Variants in RBM33 observed in about 807,000 individuals in gnomAD.
RBM33 encodes RNA binding motif protein 33, also known as RNA-binding protein 33.
Under a neutral mutation model 132.6 loss-of-function variants are expected in RBM33, and 28 were observed. The ratio of observed to expected loss-of-function variants is 0.21; its 90% CI spans 0.16 to 0.29. The LOEUF (loss-of-function observed/expected upper bound fraction) is 0.29, where lower values mean the gene tolerates loss of function less well. Ranked by LOEUF, RBM33 falls within the 10% of genes least tolerant of loss-of-function variation. The probability of loss-of-function intolerance (pLI) is 1.00; values close to 1 mark genes in which losing one functional copy is unlikely to be tolerated. For synonymous variants in RBM33, 634 were observed against 593.0 expected (o/e 1.07, Z -1.01); for missense variants, 1,291 against 1,518.5 (o/e 0.85, Z 2.49).
rs183461363 is a variant in RBM33, at chr7:155,665,276, C to T, written c.122+23C>T. 3.7e-5 allele frequency: 60 copies of T among 1,603,956 alleles called. No individual in the cohort carries two copies. The East Asian group carries it at 1.3e-3, about 35-fold the overall frequency. On this transcript the variant is annotated intron_variant, in intron 2 of 17. Coordinates refer to ENST00000401878, the MANE Select transcript of RBM33 (RefSeq NM_053043.3). ...CAGGTACGTGCACCCTGTGCTTCACCTAACTGCCTGTGCCGATCTCTCTCA... is the reference window on the plus strand; with the variant it reads ...CAGGTACGTGCACCCTGTGCTTCACTTAACTGCCTGTGCCGATCTCTCTCA...
At chr7:155,754,618 T>C (rs1400860315) in intron 14 of RBM33, among the ~76,000 whole-genome samples, 5 of 152,240 alleles carry the variant, frequency 3.3e-5, no homozygotes. Context: ...CCTCAGAGGC[T>C]CAAGGCTTTG....
chr7:155,667,182 T>C (rs558235040), intron 2 of RBM33, among the ~76,000 whole-genome samples: 1 of 152,354 alleles, frequency 6.6e-6, no homozygotes, highest in African/African-American at 2.4e-5. Flanking sequence ...AAACAGGAAC[T>C]TTCACTTATA....
intron 3 of RBM33, among the ~76,000 whole-genome samples, chr7:155,675,707 C>G (rs1241316457): frequency 6.6e-6 from 1 of 152,140 alleles, no homozygotes; most frequent in Non-Finnish European, 1.5e-5. Context: ...ATGGACAAAT[C>G]TTACTATGCT....
At position 155,708,999 on chromosome 7, in the gene RBM33, ACC is replaced by A. The variant is rs1369020294; in HGVS notation, c.948+1934_948+1935del. ...TGGTGCCCTCAAGAGATGCCACCTGACCCCTTGTCCTGTTGGACCGCACTCTG... is the reference window on the plus strand; with the variant it reads ...TGGTGCCCTCAAGAGATGCCACCTGACCTTGTCCTGTTGGACCGCACTCTG... On this transcript the variant is annotated intron_variant, in intron 7 of 17. Coordinates refer to ENST00000401878, the MANE Select transcript of RBM33 (RefSeq NM_053043.3). 5.9e-5 allele frequency among the ~76,000 whole-genome samples: 9 copies of A among 151,588 alleles called. No homozygotes were observed. The East Asian group carries it at 1.8e-3, about 30-fold the overall frequency.
chr7:155,724,988 G>GTTTTTTTTTTTT (rs148975210), intron 9 of RBM33, among the ~76,000 whole-genome samples: 1 of 117,140 alleles, frequency 8.5e-6, no homozygotes, highest in African/African-American at 4.1e-5. Flanking sequence ...TTGTGTACAG[G>GTTTTTTTTTTTT]TTTGTGTGTG....
intron 5 of RBM33, among the ~76,000 whole-genome samples, chr7:155,683,230 C>G (rs1003900333): frequency 6.6e-6 from 1 of 152,142 alleles, no homozygotes; most frequent in Non-Finnish European, 1.5e-5. Flanking sequence ...GGAGGAGATA[C>G]GCAGAGAATT....
At chr7:155,693,616 C>T (rs1799708839) in intron 5 of RBM33, among the ~76,000 whole-genome samples, 2 of 142,850 alleles carry the variant, frequency 1.4e-5, no homozygotes, top group South Asian at 4.7e-4. Flanking sequence ...ATGTTGCTTG[C>T]TTTTGTGATG....
chr7:155,757,962 G>A (rs575932865), intron 14 of RBM33, among the ~76,000 whole-genome samples: 1 of 152,282 alleles, frequency 6.6e-6, no homozygotes, highest in South Asian at 2.1e-4. Context: ...TCACCAAGGG[G>A]ATGGCCTAAG....
intron 5 of RBM33, among the ~76,000 whole-genome samples, chr7:155,689,093 A>G (rs1354752425): frequency 1.3e-5 from 2 of 152,128 alleles, no homozygotes; most frequent in African/African-American, 2.4e-5. Context: ...CTGTGAATCC[A>G]TCTGGTCCTG....
At chr7:155,759,602 G>A (rs1374746321) in intron 14 of RBM33, among the ~76,000 whole-genome samples, 2 of 151,852 alleles carry the variant, frequency 1.3e-5, no homozygotes, top group Non-Finnish European at 2.9e-5. Flanking sequence ...TGTATTTTTA[G>A]TAGAGACGGG....
chr7:155,658,150 G>C (rs1396811414), intron 1 of RBM33, among the ~76,000 whole-genome samples: 2 of 152,058 alleles, frequency 1.3e-5, no homozygotes, highest in African/African-American at 4.8e-5. Flanking sequence ...CTGTTTCAGT[G>C]CATATATGTT....
chr7:155,684,672 T>C (rs1673662903), intron 5 of RBM33, among the ~76,000 whole-genome samples: 1 of 152,196 alleles, frequency 6.6e-6, no homozygotes, highest in African/African-American at 2.4e-5. Context: ...AGAGGAGCTG[T>C]GTGACAGGGC....
At chr7:155,725,884 A>C (rs192063036) in intron 9 of RBM33, among the ~76,000 whole-genome samples, 3 of 152,314 alleles carry the variant, frequency 2.0e-5, no homozygotes, top group South Asian at 4.1e-4. Context: ...TTTAGAATGC[A>C]TCTATAAATA....
chr7:155,760,504 C>T (rs944589350), intron 14 of RBM33, among the ~76,000 whole-genome samples: 16 of 152,096 alleles, frequency 1.1e-4, no homozygotes, highest in African/African-American at 2.9e-4. Flanking sequence ...GAAGTGTTCG[C>T]GCTTGTAAAG....
At chr7:155,650,018 C>T (rs537659122) in intron 1 of RBM33, among the ~76,000 whole-genome samples, 5 of 152,286 alleles carry the variant, frequency 3.3e-5, no homozygotes, top group African/African-American at 1.2e-4. Flanking sequence ...ACATGGGAGC[C>T]CCCAACACTC....
intron 6 of RBM33, among the ~76,000 whole-genome samples, chr7:155,703,946 A>G (rs1800038366): frequency 6.6e-6 from 1 of 152,000 alleles, no homozygotes. Context: ...TATGAGGTGT[A>G]CTTTTTTTTT....
At chr7:155,691,129 T>C (rs568800225) in intron 5 of RBM33, among the ~76,000 whole-genome samples, 16 of 152,336 alleles carry the variant, frequency 1.1e-4, no homozygotes, top group African/African-American at 3.1e-4. Flanking sequence ...TTTGGTCTTT[T>C]CACATAGTCC....
At chr7:155,723,996 A>G (rs954878568) in intron 9 of RBM33, among the ~76,000 whole-genome samples, 1 of 152,202 alleles carries the variant, frequency 6.6e-6, no homozygotes, top group African/African-American at 2.4e-5. Flanking sequence ...ATAGAGACTT[A>G]AACCTCAGTG....
chr7:155,768,385 C>T (rs1302080893), intron 16 of RBM33, among the ~76,000 whole-genome samples: 1 of 152,176 alleles, frequency 6.6e-6, no homozygotes, highest in Non-Finnish European at 1.5e-5. Context: ...CTTAAATGGT[C>T]TCTTTTTCCT....
Sources: allele counts gnomAD v4.1 joint callset (sites outside exome capture counted in the v4.1 genomes callset), GRCh38; gene constraint gnomAD v4.1.1; transcripts MANE v1.5; gene names NCBI Gene and HGNC (gene_info 2026-07-23, HGNC 2026-07-21).